BCR: variants seen among roughly 807,000 people sequenced by gnomAD.
BCR encodes the protein BCR activator of RhoGEF and GTPase, also known as breakpoint cluster region protein.
In BCR, 58 loss-of-function variants were observed where a neutral mutation model predicts 138.6. The observed-to-expected ratio is 0.42, with a 90% CI of 0.34 to 0.52. The LOEUF is 0.52. Among genes scored for constraint, BCR ranks in the 20% least tolerant of loss-of-function variants. The pLI is 0.06. For missense variants in BCR, 1,599 were observed against 1,727.2 expected (o/e 0.93, Z 1.32); for synonymous variants, 786 against 730.1 (o/e 1.08, Z -1.23).
intron 16 of BCR, chr22:23,302,748 A>G (rs2073916459): frequency 6.6e-6 from 1 of 152,240 alleles, no homozygotes; most frequent in African/African-American, 2.4e-5. Flanking sequence ...GGGATCCCAC[A>G]AACAAGCCCC....
At chr22:23,314,938 C>T (rs2074051914) in intron 22 of BCR, among the ~76,000 whole-genome samples, 1 of 152,244 alleles carries the variant, frequency 6.6e-6, no homozygotes, top group Admixed American at 6.5e-5. Flanking sequence ...AAAACTACCT[C>T]AAGTGTTCGG....
Position 23,261,438 on chromosome 22 carries a change from G to A in BCR, c.1650G>A (p.Val550=). The change falls in exon 4 of 23, where the codon GTG becomes GTA. Residue 550 remains valine (V), a synonymous_variant. Transcript: ENST00000305877. ...SQQIETIFFK[V]PELYEIHKEF... ...AGATCGAGACCATCTTCTTCAAAGT[G>A]CCTGAGCTCTACGAGATCCACAAGG... 1.2e-6 allele frequency: 2 copies of A among 1,613,830 alleles called. No individual in the cohort carries two copies. Among genetic ancestry groups the A allele is most frequent in the Non-Finnish European group, 1.7e-6 (2 of 1,179,998 alleles).
intron 1 of BCR, among the ~76,000 whole-genome samples, chr22:23,206,027 T>C (rs977333498): frequency 1.3e-5 from 2 of 152,164 alleles, no homozygotes; most frequent in African/African-American, 4.8e-5. Context: ...GGTAGGGTAG[T>C]CTTCCAAACC....
At chr22:23,306,442 A>G (rs1389720011) in intron 16 of BCR, among the ~76,000 whole-genome samples, 1 of 152,192 alleles carries the variant, frequency 6.6e-6, no homozygotes, top group East Asian at 1.9e-4. Flanking sequence ...CAGATTTTGG[A>G]CAGTCTGGAT....
At chr22:23,234,956 C>T (rs1378983159) in intron 1 of BCR, among the ~76,000 whole-genome samples, 1 of 143,600 alleles carries the variant, frequency 7.0e-6, no homozygotes, top group African/African-American at 2.5e-5. Context: ...AGGAGTCAGG[C>T]TCCTCCCCCG....
intron 19 of BCR, 169 bp from the exon 20 acceptor site, chr22:23,312,718 C>T (rs1470810764): frequency 1.7e-6 from 1 of 596,156 alleles, no homozygotes; most frequent in East Asian, 2.8e-5. Flanking sequence ...ACTCTGCAGA[C>T]ACAGAACCAT....
intron 1 of BCR, among the ~76,000 whole-genome samples, chr22:23,192,418 G>C (rs991421931): frequency 3.3e-5 from 5 of 152,230 alleles, no homozygotes; most frequent in African/African-American, 7.2e-5. Context: ...GGCACCTGCT[G>C]TGTTGGGCAC....
rs374016656 is a variant in BCR, at chr22:23,315,389, C to T, written c.3727-44C>T. 4.5e-5 allele frequency: 71 copies of T among 1,582,576 alleles called. 1 individual carries two copies. In the African/African-American group the frequency reaches 8.1e-4, roughly 18 times the overall value. ...AAGACCTCCCACCAGCAGCTGTGAG[C>T]CCCGCTCTGAGCCACTCTTCTCTTC... On this transcript the variant is annotated intron_variant, in intron 22 of 22. Transcript: ENST00000305877.
intron 1 of BCR, among the ~76,000 whole-genome samples, chr22:23,237,083 G>A (rs922319930): frequency 6.6e-6 from 1 of 152,220 alleles, no homozygotes; most frequent in Admixed American, 6.5e-5. Flanking sequence ...TGGAGTTCTT[G>A]AAGGAAGGCC....
intron 1 of BCR, among the ~76,000 whole-genome samples, chr22:23,244,858 C>T (rs181782097): frequency 0.011 from 1,649 of 152,322 alleles, 75 homozygotes; most frequent in Admixed American, 0.087. Context: ...GCCCTGCCCC[C>T]GCACCAGCCG....
chr22:23,184,552 T>A (rs980444417), intron 1 of BCR, among the ~76,000 whole-genome samples: 2 of 152,144 alleles, frequency 1.3e-5, no homozygotes, highest in East Asian at 3.8e-4. Context: ...TCCCTACCCC[T>A]ACACCCCCAC....
At chr22:23,235,734 G>C (rs2073015627) in intron 1 of BCR, among the ~76,000 whole-genome samples, 1 of 152,200 alleles carries the variant, frequency 6.6e-6, no homozygotes, top group African/African-American at 2.4e-5. Context: ...CAGTGCTGGA[G>C]GCAGGAAGTC....
At chr22:23,290,115 G>A (rs560273102) in intron 13 of BCR, 17 of 607,878 alleles carry the variant, frequency 2.8e-5, no homozygotes, top group Non-Finnish European at 3.3e-5. Context: ...ATTACACTTC[G>A]AGTCACTGGT....
chr22:23,274,680 C>T (rs1343626398), intron 8 of BCR, among the ~76,000 whole-genome samples: 3 of 152,002 alleles, frequency 2.0e-5, no homozygotes, highest in Non-Finnish European at 4.4e-5. Context: ...GAGGCCTAGG[C>T]GGGTGGATCA....
chr22:23,271,383 T>C (rs2073507652), intron 5 of BCR, 149 bp from the exon 6 acceptor site: 2 of 791,978 alleles, frequency 2.5e-6, no homozygotes, highest in East Asian at 2.7e-5. Flanking sequence ...CGTGGGTCCC[T>C]GCACACCCTG....
chr22:23,307,236 C>T (rs1002706901), intron 16 of BCR, among the ~76,000 whole-genome samples: 4 of 152,166 alleles, frequency 2.6e-5, no homozygotes, highest in Admixed American at 2.0e-4. Context: ...GTTGGGACTG[C>T]AGGCACATGC....
At chr22:23,194,465 C>T (rs1022928988) in intron 1 of BCR, among the ~76,000 whole-genome samples, 3 of 150,552 alleles carry the variant, frequency 2.0e-5, no homozygotes, top group East Asian at 2.0e-4. Flanking sequence ...GGCTGGAGTG[C>T]AGTGGAGCAA....
intron 17 of BCR, chr22:23,309,756 C>G (rs1296556878): frequency 5.9e-6 from 3 of 505,942 alleles, no homozygotes; most frequent in African/African-American, 3.9e-5. Flanking sequence ...ACTCAGGGAC[C>G]TGGGGGCTGC....
intron 4 of BCR, chr22:23,263,251 C>A: frequency 9.4e-7 from 1 of 1,065,108 alleles, no homozygotes; most frequent in Non-Finnish European, 1.4e-6. Context: ...CACATGTGCT[C>A]CTACCTCGAC....
Sources: allele counts gnomAD v4.1 joint callset (sites outside exome capture counted in the v4.1 genomes callset), GRCh38; gene constraint gnomAD v4.1.1; transcripts MANE v1.5; gene names NCBI Gene and HGNC (gene_info 2026-07-23, HGNC 2026-07-21).